The following CDK12 variants were observed in gnomAD, a reference collection of about 807,000 sequenced individuals.
The protein encoded by CDK12 is cyclin-dependent kinase 12.
A neutral mutation model predicts 133.8 loss-of-function variants in CDK12; 17 were observed. The ratio of observed to expected loss-of-function variants is 0.13; its 90% confidence interval spans 0.09 to 0.19. The LOEUF is 0.19. Ranked by LOEUF, CDK12 falls within the 10% of genes least tolerant of loss-of-function variation. The pLI, the probability that CDK12 is intolerant of heterozygous loss-of-function variation, is 1.00. For synonymous variants in CDK12, 694 were observed against 683.6 expected (o/e 1.02, Z -0.24); for missense variants, 1,508 against 1,818.7 (o/e 0.83, Z 3.11).
At chr17:39,517,906 G>T (rs2053911628) in intron 10 of CDK12, among the ~76,000 whole-genome samples, 1 of 151,778 alleles carries the variant, frequency 6.6e-6, no homozygotes, top group African/African-American at 2.4e-5. Flanking sequence ...AGGCTGGAGT[G>T]CAGTGGCACG....
chr17:39,513,770 T>C (rs1222763629), intron 8 of CDK12, among the ~76,000 whole-genome samples: 1 of 152,210 alleles, frequency 6.6e-6, no homozygotes, highest in African/African-American at 2.4e-5. Flanking sequence ...GAATTAAGAT[T>C]TTGTTTGAGT....
rs1271674731 is a variant in CDK12, at chr17:39,462,091, AT to A, written c.21del (p.His7GlnfsTer50). ...AAGGGAATGCCCAATTCAGAGAGAC[AT>A]GGGGGCAAGAAGGACGGGAGTGGAG... MPNSER[H>X]GGKKDGSGGA... is the part of the protein sequence containing the mutation. On this transcript the variant is annotated frameshift_variant, in exon 1 of 14. Transcript: ENST00000447079. LOFTEE classifies it high-confidence loss of function. 6.2e-7 allele frequency: 1 copy of A among 1,613,792 alleles called. No individual in the cohort carries two copies. Among genetic ancestry groups the A allele is most frequent in the Non-Finnish European group, 8.5e-7 (1 of 1,179,862 alleles).
chr17:39,497,556 A>T (rs2052226759), intron 5 of CDK12, among the ~76,000 whole-genome samples: 1 of 151,858 alleles, frequency 6.6e-6, no homozygotes. Context: ...AAAAAAAAAA[A>T]TTGTCATCTG....
intron 2 of CDK12, among the ~76,000 whole-genome samples, chr17:39,479,232 C>T (rs1181616094): frequency 8.7e-5 from 13 of 150,238 alleles, no homozygotes; most frequent in African/African-American, 1.2e-4. Context: ...GGCATGAGCC[C>T]GGGAGGCGGA....
intron 1 of CDK12, among the ~76,000 whole-genome samples, chr17:39,463,351 A>G (rs1451132787): frequency 6.6e-6 from 1 of 152,200 alleles, no homozygotes. Flanking sequence ...TGGGGTCTTC[A>G]GTTGTAAGCT....
At chr17:39,516,729 C>A (rs931435334) in intron 9 of CDK12, among the ~76,000 whole-genome samples, 2 of 138,692 alleles carry the variant, frequency 1.4e-5, no homozygotes, top group Admixed American at 7.9e-5. Context: ...GTGGCGTGAT[C>A]TTGGCTCACT....
chr17:39,508,997 C>CAAA (rs36130789), intron 6 of CDK12, among the ~76,000 whole-genome samples: 61,914 of 120,338 alleles, frequency 0.51, 17,586 homozygotes, highest in South Asian at 0.7. Flanking sequence ...GACTCTGTCT[C>CAAA]AAAAAAAAAA....
rs1184631339 is a variant in CDK12 at position 39,532,140 on chromosome 17, C to CTCTCTCTCTCTCTCTCTGTCTG, written c.*827_*828insCTCTCTCTCTCTCTGTCTGTCT. 1.4e-5 allele frequency: 3 copies of CTCTCTCTCTCTCTCTCTGTCTG among 218,852 alleles called. No homozygotes were observed. Among genetic ancestry groups the CTCTCTCTCTCTCTCTCTGTCTG allele is most frequent in the African/African-American group, 5.0e-5 (2 of 40,208 alleles). The allele number at this position is 218,852 out of a possible 1,614,324, so 13.6% of individuals were successfully genotyped here. On this transcript the variant is annotated 3_prime_UTR_variant, in exon 14 of 14. Transcript: ENST00000447079. ...TCTCTCTCTCTCTCTCTCTCTCTCTCTCTGTCTCGCTTGCTCGCTCTCGCT... is the reference window on the plus strand; with the variant it reads ...TCTCTCTCTCTCTCTCTCTCTCTCTCTCTCTCTCTCTCTCTCTGTCTGTCTGTCTCGCTTGCTCGCTCTCGCT...
rs2049777985 is a variant in CDK12 at position 39,471,367 on chromosome 17, T to C, written c.1535T>C (p.Ile512Thr). The change falls in exon 2 of 14, where the codon ATT becomes ACT. Residue 512 changes from isoleucine to threonine, a missense_variant. Physicochemically the swap from Ile to Thr is moderately conservative, Grantham distance 89. Around this residue, in one of 9 missense-constraint regions of CDK12, gnomAD observed 347 missense variants for 330.8 expected, o/e 1.05. Coordinates refer to ENST00000447079, the MANE Select transcript of CDK12 (RefSeq NM_016507.4). Reference sequence around the variant, plus strand: ...AAACCCATAGCACTGAAAGAGGAGATTGTTACTCCAAAGGAGACAGAAACA... The same window carrying C: ...AAACCCATAGCACTGAAAGAGGAGACTGTTACTCCAAAGGAGACAGAAACA... ...DSKPIALKEE[I>T]VTPKETETSE... The C allele has an allele frequency of 3.7e-6, 6 of 1,613,864 alleles. No homozygotes were observed. The East Asian group carries it at 8.9e-5, about 24-fold the overall frequency.
chr17:39,482,661 G>A (rs1452281633), intron 2 of CDK12, among the ~76,000 whole-genome samples: 1 of 129,902 alleles, frequency 7.7e-6, no homozygotes, highest in Non-Finnish European at 1.6e-5. Context: ...GGAGTGCTGT[G>A]GTATGAACTC....
intron 13 of CDK12, 36 bp downstream of exon 13, chr17:39,526,352 G>A (rs766065032): frequency 6.8e-7 from 1 of 1,481,272 alleles, no homozygotes. Context: ...TTGAGCTCAG[G>A]TGCTGTTGAT....
At chr17:39,559,591 T>C (rs2056292778) in intron 3 of CDK12, among the ~76,000 whole-genome samples, 1 of 152,208 alleles carries the variant, frequency 6.6e-6, no homozygotes, top group Admixed American at 6.5e-5. Flanking sequence ...TTTTTAGGAT[T>C]GTCTTTTTTA....
At chr17:39,483,066 C>A (rs1434125761) in intron 2 of CDK12, among the ~76,000 whole-genome samples, 5 of 151,938 alleles carry the variant, frequency 3.3e-5, no homozygotes, top group Non-Finnish European at 5.9e-5. Context: ...GCTTGTGCCA[C>A]CACGCCTGGC....
chr17:39,503,121 A>G (rs2052846811), intron 6 of CDK12, among the ~76,000 whole-genome samples: 1 of 152,202 alleles, frequency 6.6e-6, no homozygotes, highest in Non-Finnish European at 1.5e-5. Flanking sequence ...TCTGTCGCCC[A>G]GGCTGGAGTG....
At chr17:39,508,212 A>G (rs2053256417) in intron 6 of CDK12, among the ~76,000 whole-genome samples, 1 of 152,088 alleles carries the variant, frequency 6.6e-6, no homozygotes, top group Non-Finnish European at 1.5e-5. Context: ...CGGGGGGAGA[A>G]GGTTCTGAAA....
At position 39,462,573 on chromosome 17, in the gene CDK12, A is replaced by G; in HGVS notation, c.502A>G (p.Lys168Glu). 6.2e-7 allele frequency: 1 copy of G among 1,614,198 alleles called. No individual in the cohort carries two copies. The highest frequency in any genetic ancestry group is 8.5e-7 in the Non-Finnish European group (1 of 1,180,034). Reference protein sequence around the residue: ...TDDYGKAQVAKSSSKESRSSK... With the variant: ...TDDYGKAQVAESSSKESRSSK... ...TGACTATGGGAAGGCGCAGGTAGCC[A>G]AAAGCAGCAGCAAGGAATCCAGGTC... is the stretch of plus-strand genomic sequence containing the variant. The change falls in exon 1 of 14, where the codon AAA becomes GAA. Residue 168 changes from lysine to glutamate, a missense_variant. Physicochemically the swap from Lys to Glu is moderately conservative, Grantham distance 56. Coordinates refer to ENST00000447079, the MANE Select transcript of CDK12 (RefSeq NM_016507.4).
In CDK12 at chr17:39,461,540, T is replaced by G. The variant is rs560817341; in HGVS notation, c.-532T>G. On this transcript the variant is annotated 5_prime_UTR_variant, in exon 1 of 14. Transcript: ENST00000447079. ...GACTGGGTCTGTGTGAGGGAGAGAGTGTGTGTGGTGTGGAGGTGAAACGGA... is the reference window on the plus strand; with the variant it reads ...GACTGGGTCTGTGTGAGGGAGAGAGGGTGTGTGGTGTGGAGGTGAAACGGA... The G allele has an allele frequency of 1.1e-4, 27 of 239,032 alleles. No individual in the cohort carries two copies. In the Admixed American group the frequency reaches 1.2e-3, roughly 11 times the overall value. The allele number at this position is 239,032 out of a possible 1,614,324, so 14.8% of individuals were successfully genotyped here.
intron 6 of CDK12, among the ~76,000 whole-genome samples, chr17:39,502,569 G>T (rs186782004): frequency 6.6e-6 from 1 of 152,176 alleles, no homozygotes; most frequent in Non-Finnish European, 1.5e-5. Context: ...GACTGTCCTG[G>T]TTTTAGCAGT....
At position 39,476,721 on chromosome 17, in the gene CDK12, T is replaced by A. The variant is rs1365773032; in HGVS notation, c.1931+4958T>A. 1.9e-4 allele frequency among the ~76,000 whole-genome samples: 21 copies of A among 111,486 alleles called. 4 individuals are homozygous for A. Among genetic ancestry groups the A allele is most frequent in the Admixed American group, 1.3e-3 (13 of 10,196 alleles). The allele number at this position is 111,486 out of a possible 152,430, so 73.1% of individuals were successfully genotyped here. ...AGCCACCATGCCTGCCTTTTTTTTT[T>A]TTTTTTTTTTTTTTTTTTTGAGACA... On this transcript the variant is annotated intron_variant, in intron 2 of 13. Transcript: ENST00000447079.
Sources: allele counts gnomAD v4.1 joint callset (sites outside exome capture counted in the v4.1 genomes callset), GRCh38; gene constraint gnomAD v4.1.1; regional missense constraint gnomAD v4.1.1; transcripts MANE v1.5; gene names NCBI Gene and HGNC (gene_info 2026-07-23, HGNC 2026-07-21).